Variants in CAMK1D observed in about 807,000 individuals in gnomAD.
CAMK1D encodes the protein calcium/calmodulin-dependent protein kinase type 1D.
CAMK1D carries 9 observed loss-of-function variants against 47.7 expected under a neutral mutation model. The observed-to-expected ratio is 0.19, with a 90% CI of 0.11 to 0.33. CAMK1D has a LOEUF of 0.33. Ranked by LOEUF, CAMK1D falls within the 10% of genes least tolerant of loss-of-function variation. The pLI is 1.00. For missense variants in CAMK1D, 291 were observed against 488.7 expected (o/e 0.60, Z 3.81); for synonymous variants, 184 against 184.9 (o/e 0.99, Z 0.04).
chr10:12,665,040 G>A (rs1840385065), intron 2 of CAMK1D, among the ~76,000 whole-genome samples: 1 of 152,142 alleles, frequency 6.6e-6, no homozygotes, highest in South Asian at 2.1e-4. Flanking sequence ...TAGGATCTTG[G>A]TAGTCTCAAG....
rs576216140 is a variant in CAMK1D, at chr10:12,459,174, G to A, written c.93-94051G>A. Reference sequence around the variant, plus strand: ...GATTACAGGCGTGAGCCACGGTGCCGGGCCAGGATTATATTTTATCATAAT... The same window carrying A: ...GATTACAGGCGTGAGCCACGGTGCCAGGCCAGGATTATATTTTATCATAAT... On this transcript the variant is annotated intron_variant, in intron 1 of 10. Coordinates refer to ENST00000619168, the MANE Select transcript of CAMK1D (RefSeq NM_153498.4). 1.5e-3 allele frequency among the ~76,000 whole-genome samples: 226 copies of A among 152,030 alleles called. 1 individual carries two copies. The highest frequency in any genetic ancestry group is 5.3e-3 in the African/African-American group (220 of 41,484).
chr10:12,763,538 T>C (rs1588898036), intron 4 of CAMK1D, among the ~76,000 whole-genome samples: 1 of 152,208 alleles, frequency 6.6e-6, no homozygotes, highest in Non-Finnish European at 1.5e-5. Context: ...CCCTGCACCA[T>C]TGGCATTCAG....
chr10:12,630,770 G>A (rs1839357522), intron 2 of CAMK1D, among the ~76,000 whole-genome samples: 1 of 151,902 alleles, frequency 6.6e-6, no homozygotes, highest in African/African-American at 2.4e-5. Flanking sequence ...GTGACCTCAC[G>A]TCCTCCGTAC....
At chr10:12,722,247 TC>T (rs1309773109) in intron 3 of CAMK1D, among the ~76,000 whole-genome samples, 1 of 151,622 alleles carries the variant, frequency 6.6e-6, no homozygotes, top group Non-Finnish European at 1.5e-5. Flanking sequence ...ATCGAGACCA[TC>T]CCGGGGATAA....
At chr10:12,731,502 C>T (rs565382555) in intron 3 of CAMK1D, among the ~76,000 whole-genome samples, 9 of 152,186 alleles carry the variant, frequency 5.9e-5, no homozygotes, top group Non-Finnish European at 1.0e-4. Flanking sequence ...GAGTTTAAAG[C>T]AAGTCTGTAC....
chr10:12,643,788 G>A (rs1303643265), intron 2 of CAMK1D, among the ~76,000 whole-genome samples: 1 of 151,836 alleles, frequency 6.6e-6, no homozygotes, highest in Non-Finnish European at 1.5e-5. Context: ...GGTGGCTGAG[G>A]CACGAGAATT....
At chr10:12,559,501 G>T (rs1412990851) in intron 2 of CAMK1D, among the ~76,000 whole-genome samples, 2 of 152,120 alleles carry the variant, frequency 1.3e-5, no homozygotes, top group Non-Finnish European at 2.9e-5. Context: ...GGGTGGAGCT[G>T]CTCCGTATGA....
rs1351899160 is a variant in CAMK1D at position 12,663,024 on chromosome 10, C to T, written c.225-3712C>T. ...TTGCCCAGGCTGGAGTGCAATGGCACGATCTCAGCTCACTGCAACCTCTGC... is the reference window on the plus strand; with the variant it reads ...TTGCCCAGGCTGGAGTGCAATGGCATGATCTCAGCTCACTGCAACCTCTGC... On this transcript the variant is annotated intron_variant, in intron 2 of 10. Transcript: ENST00000619168. Among the ~76,000 whole-genome samples the T allele has an allele frequency of 3.9e-5, 6 of 152,278 alleles. No homozygotes were observed. The South Asian group carries it at 6.2e-4, about 16-fold the overall frequency.
At chr10:12,516,311 C>T (rs894958926) in intron 1 of CAMK1D, among the ~76,000 whole-genome samples, 1 of 151,780 alleles carries the variant, frequency 6.6e-6, no homozygotes, top group Non-Finnish European at 1.5e-5. Flanking sequence ...GTTTCACCAT[C>T]CTGGCCAGGC....
At chr10:12,606,102 G>A (rs927395053) in intron 2 of CAMK1D, among the ~76,000 whole-genome samples, 8 of 152,244 alleles carry the variant, frequency 5.3e-5, no homozygotes, top group South Asian at 2.1e-4. Flanking sequence ...CAGCCACGCC[G>A]CTTGGAGTTG....
chr10:12,508,384 G>A (rs1223705461), intron 1 of CAMK1D, among the ~76,000 whole-genome samples: 1 of 152,214 alleles, frequency 6.6e-6, no homozygotes, highest in African/African-American at 2.4e-5. Flanking sequence ...TGCGCTAAGC[G>A]AAACAGGCCA....
intron 2 of CAMK1D, among the ~76,000 whole-genome samples, chr10:12,633,060 G>A (rs746182891): frequency 1.8e-4 from 28 of 152,146 alleles, no homozygotes; most frequent in Non-Finnish European, 2.6e-4. Flanking sequence ...TGGTGTCCCC[G>A]TGAGGCCCCA....
rs114975977 is a variant in CAMK1D, at chr10:12,740,924, G to A, written c.300-20024G>A. Among the ~76,000 whole-genome samples, 463 of 152,256 alleles carry A rather than the reference G, an allele frequency of 3.0e-3. 2 individuals are homozygous for A. The highest frequency in any genetic ancestry group is 9.8e-3 in the African/African-American group (409 of 41,550). ...AGTGGGAGTTAATAATCATGAGCTA[G>A]CCAGAAGTTTTGAATGAGATTTGGA... On this transcript the variant is annotated intron_variant, in intron 3 of 10. Coordinates refer to ENST00000619168, the MANE Select transcript of CAMK1D (RefSeq NM_153498.4).
intron 1 of CAMK1D, among the ~76,000 whole-genome samples, chr10:12,369,698 C>T (rs1294178140): frequency 6.6e-6 from 1 of 152,120 alleles, no homozygotes; most frequent in African/African-American, 2.4e-5. Flanking sequence ...GCGGCTCACG[C>T]CTGTATTCCC....
intron 1 of CAMK1D, among the ~76,000 whole-genome samples, chr10:12,439,372 A>G (rs899000041): frequency 2.0e-5 from 3 of 152,168 alleles, no homozygotes; most frequent in Middle Eastern, 3.2e-3. Context: ...GTGTTTTTCA[A>G]AATTACTCTG....
intron 3 of CAMK1D, among the ~76,000 whole-genome samples, chr10:12,732,831 G>C (rs1834957777): frequency 6.6e-6 from 1 of 152,064 alleles, no homozygotes; most frequent in Non-Finnish European, 1.5e-5. Context: ...TAGAGCCCAT[G>C]ATTACAGTGC....
At chr10:12,672,971 A>G (rs557359575) in intron 3 of CAMK1D, among the ~76,000 whole-genome samples, 15 of 137,992 alleles carry the variant, frequency 1.1e-4, no homozygotes, top group African/African-American at 4.2e-4. Flanking sequence ...ATATTGGCTC[A>G]CTGCAACTTC....
intron 2 of CAMK1D, among the ~76,000 whole-genome samples, chr10:12,626,576 C>T (rs532701601): frequency 6.6e-6 from 1 of 150,804 alleles, no homozygotes; most frequent in African/African-American, 2.4e-5. Context: ...CAGGTTCAAG[C>T]GATTCTTCTG....
At chr10:12,418,748 G>A (rs376923262) in intron 1 of CAMK1D, among the ~76,000 whole-genome samples, 1 of 151,996 alleles carries the variant, frequency 6.6e-6, no homozygotes, top group Non-Finnish European at 1.5e-5. Context: ...GTATTAAAAC[G>A]AATGAAGGTA....
Sources: allele counts gnomAD v4.1 joint callset (sites outside exome capture counted in the v4.1 genomes callset), GRCh38; gene constraint gnomAD v4.1.1; transcripts MANE v1.5; gene names NCBI Gene and HGNC (gene_info 2026-07-23, HGNC 2026-07-21).